TMEM131: variants seen among roughly 807,000 people sequenced by gnomAD.
TMEM131 encodes 2610524E03Rik.
Under a neutral mutation model 211.6 loss-of-function variants are expected in TMEM131, and 66 were observed. That is an observed-to-expected ratio of 0.31 (90% CI 0.26 to 0.38). The LOEUF (loss-of-function observed/expected upper bound fraction) is 0.38. Among genes scored for constraint, TMEM131 ranks in the 10% least tolerant of loss-of-function variants. The pLI is 1.00. For synonymous variants in TMEM131, 844 were observed against 841.3 expected, an observed-to-expected ratio of 1.00 and a Z score of -0.06; for missense variants, 2,036 against 2,299.3, an observed-to-expected ratio of 0.89 and a Z score of 2.34.
At chr2:97,881,721 A>C (rs1674938870) in intron 4 of TMEM131, among the ~76,000 whole-genome samples, 1 of 72,780 alleles carries the variant, frequency 1.4e-5, no homozygotes, top group Admixed American at 1.8e-4. Context: ...AAAAAAAAAA[A>C]AAGGGGGGGG....
In TMEM131 at chr2:97,809,711, C is replaced by T. The variant is rs763551384; in HGVS notation, c.2032G>A (p.Val678Met). The T allele has an allele frequency of 6.2e-6, 10 of 1,610,954 alleles. No homozygotes were observed. Among genetic ancestry groups the T allele is most frequent in the East Asian group, 4.5e-5 (2 of 44,836 alleles). The change falls in exon 19 of 41, where the codon GTG becomes ATG. Residue 678 changes from valine to methionine, a missense_variant. This residue lies in a region of TMEM131 where 1,623 missense variants were observed against 1,805.9 expected (regional missense o/e 0.90). Transcript: ENST00000186436. The stretch of plus-strand genomic sequence containing the variant: ...ACTGGAAAGGAAGGTGGAAGAACCA[C>T]GTGCTTAGGGAAGCAGGTCAGTGAG... ...VGSLTCFPKH[V>M]VLPPSFPGKI...
At chr2:97,900,389 T>C (rs1675801542) in intron 3 of TMEM131, among the ~76,000 whole-genome samples, 2 of 152,066 alleles carry the variant, frequency 1.3e-5, no homozygotes, top group African/African-American at 4.8e-5. Context: ...TCTCTGCTTC[T>C]ATATTCTCCA....
intron 1 of TMEM131, among the ~76,000 whole-genome samples, chr2:97,948,767 C>T (rs1267637848): frequency 2.0e-5 from 3 of 152,102 alleles, no homozygotes; most frequent in African/African-American, 4.8e-5. Flanking sequence ...AAGCCATTCT[C>T]CTGCCTCAGC....
intron 31 of TMEM131, among the ~76,000 whole-genome samples, chr2:97,784,489 C>G (rs1680158952): frequency 1.3e-5 from 2 of 151,816 alleles, no homozygotes; most frequent in South Asian, 4.1e-4. Flanking sequence ...GGAAACTAAG[C>G]AACACACTTC....
At chr2:97,878,215 G>C (rs1268208009) in intron 4 of TMEM131, among the ~76,000 whole-genome samples, 1 of 152,232 alleles carries the variant, frequency 6.6e-6, no homozygotes, top group East Asian at 1.9e-4. Context: ...TGCTGGACAG[G>C]ATGTGGAGAA....
intron 31 of TMEM131, among the ~76,000 whole-genome samples, chr2:97,787,982 T>C (rs1680329189): frequency 6.6e-6 from 1 of 152,192 alleles, no homozygotes; most frequent in Non-Finnish European, 1.5e-5. Flanking sequence ...CCTTGACTCA[T>C]CCATGTTCTC....
intron 2 of TMEM131, among the ~76,000 whole-genome samples, chr2:97,910,171 T>C (rs1042373836): frequency 3.9e-5 from 6 of 152,092 alleles, no homozygotes; most frequent in African/African-American, 1.2e-4. Context: ...AAAACCACAA[T>C]GATACCACTT....
At chr2:97,974,877 T>C (rs577906498) in intron 1 of TMEM131, among the ~76,000 whole-genome samples, 1 of 151,960 alleles carries the variant, frequency 6.6e-6, no homozygotes, top group Non-Finnish European at 1.5e-5. Flanking sequence ...TGATACCAGG[T>C]GGAATACAGA....
intron 34 of TMEM131, 69 bp from the exon 35 acceptor site, chr2:97,766,332 A>C (rs1387161971): frequency 6.2e-7 from 1 of 1,606,314 alleles, no homozygotes; most frequent in Admixed American, 1.7e-5. Context: ...TATTTCAATG[A>C]ACCTTCTAAT....
At chr2:97,936,610 A>G (rs145060692) in intron 1 of TMEM131, among the ~76,000 whole-genome samples, 32 of 152,354 alleles carry the variant, frequency 2.1e-4, no homozygotes, top group Non-Finnish European at 3.4e-4. Flanking sequence ...TTCAGTAGCC[A>G]TGCACCACAA....
intron 3 of TMEM131, among the ~76,000 whole-genome samples, chr2:97,891,228 T>C (rs983353685): frequency 6.6e-6 from 1 of 152,238 alleles, no homozygotes; most frequent in Admixed American, 6.5e-5. Context: ...CCTTTGCTAA[T>C]ATCATTGCAG....
intron 19 of TMEM131, among the ~76,000 whole-genome samples, 166 bp downstream of exon 19, chr2:97,809,522 G>A (rs1681455321): frequency 1.3e-5 from 2 of 152,270 alleles, no homozygotes; most frequent in African/African-American, 2.4e-5. Flanking sequence ...ACTTTTTGAG[G>A]AAAAGGACTG....
intron 33 of TMEM131, among the ~76,000 whole-genome samples, chr2:97,768,792 T>C (rs912915828): frequency 3.3e-5 from 5 of 152,152 alleles, no homozygotes; most frequent in Admixed American, 2.0e-4. Flanking sequence ...GGTTTCACGA[T>C]GTTGGTGAGG....
chr2:97,888,194 C>G, intron 3 of TMEM131, 74 bp from the exon 4 acceptor site: 2 of 1,284,214 alleles, frequency 1.6e-6, no homozygotes, highest in Non-Finnish European at 2.2e-6. Context: ...ATTCAGACAG[C>G]TGACTTTTGT....
At chr2:97,971,613 G>A (rs1679298457) in intron 1 of TMEM131, among the ~76,000 whole-genome samples, 1 of 152,224 alleles carries the variant, frequency 6.6e-6, no homozygotes, top group Non-Finnish European at 1.5e-5. Flanking sequence ...ATGTATGACA[G>A]ACAGGCTATA....
intron 2 of TMEM131, among the ~76,000 whole-genome samples, chr2:97,924,529 C>T (rs1676896814): frequency 6.6e-6 from 1 of 152,170 alleles, no homozygotes; most frequent in South Asian, 2.1e-4. Context: ...GCCACCATCT[C>T]CCTGCCTGTG....
intron 1 of TMEM131, among the ~76,000 whole-genome samples, chr2:97,936,199 T>G (rs1219117432): frequency 6.6e-6 from 1 of 152,180 alleles, no homozygotes; most frequent in African/African-American, 2.4e-5. Context: ...AACAATGTGG[T>G]AGATGACAGT....
chr2:97,897,408 CT>C (rs1224025558), intron 3 of TMEM131, among the ~76,000 whole-genome samples: 1 of 152,048 alleles, frequency 6.6e-6, no homozygotes, highest in Non-Finnish European at 1.5e-5. Flanking sequence ...TTAACTGTTA[CT>C]TTTCCATAGA....
chr2:97,982,010 A>T (rs1028633400), intron 1 of TMEM131, among the ~76,000 whole-genome samples: 3 of 152,152 alleles, frequency 2.0e-5, no homozygotes, highest in African/African-American at 7.2e-5. Context: ...ACAAGTTTTT[A>T]TGTGCAAGTT....
Sources: gnomAD v4.1 joint callset for allele counts (sites outside exome capture counted in the v4.1 genomes callset) on GRCh38, gnomAD v4.1.1 for gene constraint, gnomAD v4.1.1 regional missense constraint, MANE v1.5 for transcripts, NCBI Gene and HGNC (gene_info 2026-07-23, HGNC 2026-07-21) for gene names.